The following NLGN1 variants were observed in gnomAD, a reference collection of about 807,000 sequenced individuals.
The protein encoded by NLGN1 is neuroligin 1.
In NLGN1, 12 loss-of-function variants were observed where a neutral mutation model predicts 65.5. The observed-to-expected ratio is 0.18, with a 90% confidence interval of 0.12 to 0.30. The LOEUF is 0.30. NLGN1 is among the 10% of genes least tolerant of loss of function. The pLI is 1.00. For synonymous variants in NLGN1, 350 were observed against 359.5 expected, an observed-to-expected ratio of 0.97 and a Z score of 0.30; for missense variants, 750 against 1,007.1, an observed-to-expected ratio of 0.74 and a Z score of 3.46.
intron 5 of NLGN1, among the ~76,000 whole-genome samples, chr3:174,278,070 C>T (rs1214611281): frequency 8.6e-5 from 13 of 152,034 alleles, no homozygotes; most frequent in African/African-American, 2.9e-4. Context: ...TTCTTAAATG[C>T]AATTAAAAAG....
chr3:173,901,363 T>TGGGGG (rs1387951154), intron 4 of NLGN1, among the ~76,000 whole-genome samples: 9 of 133,416 alleles, frequency 6.7e-5, no homozygotes, highest in Admixed American at 3.3e-4. Flanking sequence ...AGTATTTTTT[T>TGGGGG]TGGGGGGGTG....
At position 173,539,796 on chromosome 3, in the gene NLGN1, AC is replaced by A. The variant is rs796578730; in HGVS notation, c.-320-64482del. ...ATAACACATATATATGTACATATAT[AC>A]ATATATATACATATATACATATGTT... On this transcript the variant is annotated intron_variant, in intron 2 of 6. Coordinates refer to ENST00000457714, the Ensembl canonical transcript of NLGN1. 9.3e-3 allele frequency among the ~76,000 whole-genome samples: 732 copies of A among 79,010 alleles called. 20 individuals are homozygous for A. The East Asian group carries it at 0.2, about 21-fold the overall frequency. The allele number at this position is 79,010 out of a possible 152,430, so 51.8% of individuals were successfully genotyped here. A position where few individuals can be genotyped will look rare whatever the true frequency, so the allele number is the denominator to read the frequency against.
chr3:173,860,409 T>C (rs1181604979), intron 4 of NLGN1, among the ~76,000 whole-genome samples: 2 of 152,284 alleles, frequency 1.3e-5, no homozygotes, highest in East Asian at 3.9e-4. Context: ...TTTTTCTAAT[T>C]GTAGACTGTA....
chr3:173,549,502 T>C (rs1740485434), intron 2 of NLGN1, among the ~76,000 whole-genome samples: 1 of 152,000 alleles, frequency 6.6e-6, no homozygotes, highest in South Asian at 2.1e-4. Context: ...AGTTTCAGTG[T>C]TACCATGCAG....
At chr3:174,113,377 A>G (rs1715667200) in intron 4 of NLGN1, among the ~76,000 whole-genome samples, 1 of 152,048 alleles carries the variant, frequency 6.6e-6, no homozygotes, top group Non-Finnish European at 1.5e-5. Context: ...AAAGCAAAAC[A>G]AAAAGAATAT....
downstream of NLGN1, among the ~76,000 whole-genome samples, chr3:174,290,205 C>T (rs185696495): frequency 6.6e-6 from 1 of 150,618 alleles, no homozygotes; most frequent in Non-Finnish European, 1.5e-5. Context: ...GAATCAGCAG[C>T]AAAGACTTTG....
chr3:173,814,984 C>A (rs1179654754), intron 4 of NLGN1, among the ~76,000 whole-genome samples: 1 of 151,718 alleles, frequency 6.6e-6, no homozygotes, highest in Admixed American at 6.6e-5. Flanking sequence ...TTCTTTTTTT[C>A]TTTTCTTTTC....
chr3:173,810,827 A>G (rs1232733707), intron 4 of NLGN1, among the ~76,000 whole-genome samples: 1 of 152,206 alleles, frequency 6.6e-6, no homozygotes, highest in Non-Finnish European at 1.5e-5. Context: ...GGTCAGAATT[A>G]GTTCTTCTAC....
chr3:173,562,255 T>C (rs1392561083), intron 2 of NLGN1, among the ~76,000 whole-genome samples: 1 of 152,160 alleles, frequency 6.6e-6, no homozygotes, highest in Non-Finnish European at 1.5e-5. Context: ...ATGCTGCAAG[T>C]GAACTTAATT....
chr3:174,279,196 A>G lies in NLGN1; in HGVS notation c.1195A>G (p.Ile399Val), dbSNP rs764568086. 2.5e-6 allele frequency: 4 copies of G among 1,613,222 alleles called. No homozygotes were observed. In the African/African-American group the frequency reaches 4.0e-5, roughly 16 times the overall value. The change falls in exon 6 of 7, where the codon ATA (isoleucine) becomes GTA (valine). Residue 399 changes from isoleucine (I) to valine (V), a missense_variant. Ile to Val is a conservative substitution (Grantham distance 29, BLOSUM62 3). Transcript: ENST00000457714. The surrounding 1 kb of genome is among the most constrained non-coding windows in gnomAD (Gnocchi z 4.7). ...GGAAGGGTTAAAATTTGTTGAAAAT[A>G]TAGTAGATAGCGATGATGGTATATC...
chr3:173,454,200 A>G (rs911730636), intron 2 of NLGN1, among the ~76,000 whole-genome samples: 1 of 151,906 alleles, frequency 6.6e-6, no homozygotes, highest in Non-Finnish European at 1.5e-5. Context: ...CATGCTATGA[A>G]CAGGTGTTCT....
intron 2 of NLGN1, among the ~76,000 whole-genome samples, chr3:173,507,676 AGTGT>A (rs143327016): frequency 6.6e-6 from 1 of 151,038 alleles, no homozygotes; most frequent in Non-Finnish European, 1.5e-5. Context: ...TTTCCCAAAT[AGTGT>A]GTGTGTGTGT....
chr3:173,768,794 C>T (rs1779146921), intron 3 of NLGN1, among the ~76,000 whole-genome samples: 1 of 152,092 alleles, frequency 6.6e-6, no homozygotes, highest in Admixed American at 6.5e-5. Flanking sequence ...GTTGCTGAGA[C>T]AGGGTCTTGC....
At position 174,278,841 on chromosome 3, in the gene NLGN1, CT is replaced by C; in HGVS notation, c.860-17del. 2.0e-6 allele frequency: 3 copies of C among 1,464,926 alleles called. No homozygotes were observed. In the South Asian group the frequency reaches 4.8e-5, roughly 23 times the overall value. 90.7% of individuals were successfully genotyped at this position (1,464,926 alleles called of 1,614,324 possible). On this transcript the variant is annotated intron_variant, in intron 5 of 6. Coordinates refer to ENST00000457714, the Ensembl canonical transcript of NLGN1. The stretch of plus-strand genomic sequence containing the variant: ...CATTACCCAAAGATCATCTAAAATT[CT>C]TTGTTGATTTTCCCATAGGACTTTT...
chr3:174,082,223 T>A (rs536811772), intron 4 of NLGN1, among the ~76,000 whole-genome samples: 1 of 152,304 alleles, frequency 6.6e-6, no homozygotes, highest in South Asian at 2.1e-4. Flanking sequence ...AAACCACACA[T>A]TTATATAAGA....
chr3:174,255,248 A>G (rs1435171240), intron 4 of NLGN1, among the ~76,000 whole-genome samples: 1 of 152,082 alleles, frequency 6.6e-6, no homozygotes, highest in African/African-American at 2.4e-5. Context: ...ATGCTGGCTA[A>G]CACGGTGAAG....
At chr3:174,164,508 T>C (rs1727145497) in intron 4 of NLGN1, among the ~76,000 whole-genome samples, 1 of 152,062 alleles carries the variant, frequency 6.6e-6, no homozygotes, top group East Asian at 1.9e-4. Flanking sequence ...TACCTTTAAC[T>C]CTTTAATCTA....
intron 4 of NLGN1, among the ~76,000 whole-genome samples, chr3:173,825,082 C>CA (rs1246952881): frequency 6.6e-6 from 1 of 152,014 alleles, no homozygotes; most frequent in African/African-American, 2.4e-5. Context: ...TCACAGAAAA[C>CA]TGTGCCAGCC....
chr3:173,430,559 C>G (rs1716991449), intron 1 of NLGN1, among the ~76,000 whole-genome samples: 1 of 152,182 alleles, frequency 6.6e-6, no homozygotes, highest in African/African-American at 2.4e-5. Flanking sequence ...ATCTGCCAGC[C>G]TTCTCCCCTG....
Sources: allele counts gnomAD v4.1 joint callset (sites outside exome capture counted in the v4.1 genomes callset), GRCh38; gene constraint gnomAD v4.1.1; non-coding constraint Gnocchi (gnomAD v3.1); transcripts MANE v1.5; gene names NCBI Gene and HGNC (gene_info 2026-07-23, HGNC 2026-07-21).